The following EDIL3 variants were observed in gnomAD, a reference collection of about 807,000 sequenced individuals.
The protein encoded by EDIL3 is EGF-like repeat and discoidin I-like domain-containing protein 3.
EDIL3 carries 37 observed loss-of-function variants against 67.4 expected under a neutral mutation model. The observed-to-expected ratio is 0.55, with a 90% CI of 0.42 to 0.72. EDIL3 has a LOEUF of 0.72. EDIL3 is among the 30% of genes least tolerant of loss of function. EDIL3 has a pLI of 0.00. For synonymous variants in EDIL3, 195 were observed against 196.3 expected, an observed-to-expected ratio of 0.99 and a Z score of 0.05; for missense variants, 527 against 586.3, an observed-to-expected ratio of 0.90 and a Z score of 1.04.
intron 1 of EDIL3, among the ~76,000 whole-genome samples, chr5:84,379,898 T>G (rs1748040288): frequency 1.3e-5 from 2 of 152,066 alleles, no homozygotes; most frequent in Admixed American, 1.3e-4. Context: ...TTTTATTTTA[T>G]TTTTTCCTTT....
At position 84,190,551 on chromosome 5, in the gene EDIL3, A is replaced by ATATG. The variant is rs1554072297; in HGVS notation, c.227-10031_227-10030insCATA. On this transcript the variant is annotated intron_variant, in intron 3 of 10. Coordinates refer to ENST00000296591, the MANE Select transcript of EDIL3 (RefSeq NM_005711.5). ...AGTATTTCTACATATATATATATAT[A>ATATG]TGTGTGTGTGTGTGTGTGTGTGTGT... Among the ~76,000 whole-genome samples, 1,000 of 126,952 alleles carry ATATG rather than the reference A, an allele frequency of 7.9e-3. 19 individuals are homozygous for ATATG. The highest frequency in any genetic ancestry group is 0.028 in the African/African-American group (949 of 33,338). The allele number at this position is 126,952 out of a possible 152,430, so 83.3% of individuals were successfully genotyped here.
At chr5:84,194,403 C>A (rs1349680276) in intron 3 of EDIL3, among the ~76,000 whole-genome samples, 14 of 151,714 alleles carry the variant, frequency 9.2e-5, no homozygotes, top group Non-Finnish European at 1.9e-4. Flanking sequence ...AAAATCTCGA[C>A]AAAGATTTGC....
intron 2 of EDIL3, among the ~76,000 whole-genome samples, chr5:84,236,712 T>C (rs1418388808): frequency 6.6e-6 from 1 of 152,050 alleles, no homozygotes; most frequent in Non-Finnish European, 1.5e-5. Flanking sequence ...TCTGAGTAAA[T>C]ATTTTTGGAA....
At chr5:84,124,009 CA>C (rs1335582237) in intron 5 of EDIL3, among the ~76,000 whole-genome samples, 2 of 151,924 alleles carry the variant, frequency 1.3e-5, no homozygotes, top group African/African-American at 4.8e-5. Flanking sequence ...CCCAATTTTA[CA>C]CCAATCAAAA....
intron 9 of EDIL3, among the ~76,000 whole-genome samples, chr5:84,044,071 C>T (rs1170002432): frequency 3.3e-5 from 5 of 151,934 alleles, no homozygotes; most frequent in African/African-American, 4.8e-5. Context: ...CCCCACCCCT[C>T]GACAGGCCCC....
chr5:84,354,704 G>A (rs1285146447), intron 1 of EDIL3, among the ~76,000 whole-genome samples: 1 of 149,386 alleles, frequency 6.7e-6, no homozygotes, highest in African/African-American at 2.5e-5. Flanking sequence ...ATAATTTTTT[G>A]TAGCTTACAC....
intron 4 of EDIL3, among the ~76,000 whole-genome samples, chr5:84,167,742 A>G (rs1748734227): frequency 6.6e-6 from 1 of 152,154 alleles, no homozygotes; most frequent in Non-Finnish European, 1.5e-5. Flanking sequence ...AAAACCAAGG[A>G]AACCAAGACC....
chr5:84,053,999 C>T (rs1746394752), intron 9 of EDIL3, among the ~76,000 whole-genome samples: 1 of 151,968 alleles, frequency 6.6e-6, no homozygotes, highest in Admixed American at 6.6e-5. Flanking sequence ...GGCAGAGACA[C>T]AACAAAAAAA....
At chr5:83,967,581 A>G (rs1487321490) in intron 9 of EDIL3, among the ~76,000 whole-genome samples, 1 of 152,060 alleles carries the variant, frequency 6.6e-6, no homozygotes, top group African/African-American at 2.4e-5. Context: ...TTTGTTGTAA[A>G]ACATCCTGTA....
intron 1 of EDIL3, among the ~76,000 whole-genome samples, chr5:84,349,342 C>T (rs1747307175): frequency 6.6e-6 from 1 of 152,094 alleles, no homozygotes; most frequent in Admixed American, 6.6e-5. Context: ...CTTCCAAGAG[C>T]TAGAGGTTAT....
intron 1 of EDIL3, among the ~76,000 whole-genome samples, chr5:84,272,494 G>A (rs535858583): frequency 2.0e-4 from 31 of 152,130 alleles, no homozygotes; most frequent in Admixed American, 6.5e-4. Context: ...GTACCAGGAA[G>A]CATATCTAGT....
chr5:84,004,997 C>G, intron 9 of EDIL3, among the ~76,000 whole-genome samples: 1 of 151,902 alleles, frequency 6.6e-6, no homozygotes, highest in Non-Finnish European at 1.5e-5. Flanking sequence ...TCAGAAATGA[C>G]AACGATGCCA....
intron 5 of EDIL3, among the ~76,000 whole-genome samples, chr5:84,120,067 T>A (rs1561437142): frequency 6.6e-6 from 1 of 152,002 alleles, no homozygotes; most frequent in African/African-American, 2.4e-5. Context: ...AAAAAAACTA[T>A]GCATAACTAT....
intron 3 of EDIL3, among the ~76,000 whole-genome samples, chr5:84,217,447 A>C (rs773691881): frequency 2.0e-5 from 3 of 152,284 alleles, no homozygotes; most frequent in Non-Finnish European, 2.9e-5. Context: ...TGCTGTGAAC[A>C]TATTTTGTCG....
At chr5:84,269,585 CAATAGT>C (rs1237516637) in intron 1 of EDIL3, among the ~76,000 whole-genome samples, 1 of 152,046 alleles carries the variant, frequency 6.6e-6, no homozygotes, top group Non-Finnish European at 1.5e-5. Context: ...TGTTTCTCCA[CAATAGT>C]AATTTTGCAA....
chr5:84,147,392 T>C (rs944551823), intron 4 of EDIL3, among the ~76,000 whole-genome samples: 2 of 152,052 alleles, frequency 1.3e-5, no homozygotes, highest in Non-Finnish European at 2.9e-5. Flanking sequence ...CAAACAAGTA[T>C]GTTGAATTTT....
chr5:84,278,397 C>A (rs973567420), intron 1 of EDIL3, among the ~76,000 whole-genome samples: 1 of 152,026 alleles, frequency 6.6e-6, no homozygotes. Flanking sequence ...GTAAGAGACT[C>A]AAAAATTATT....
At chr5:84,268,050 T>C (rs371011213) in intron 1 of EDIL3, among the ~76,000 whole-genome samples, 2 of 152,074 alleles carry the variant, frequency 1.3e-5, no homozygotes, top group African/African-American at 4.8e-5. Flanking sequence ...GGCAGGAGAA[T>C]TGCTTGAACC....
chr5:84,151,609 T>A (rs1490723656), intron 4 of EDIL3, among the ~76,000 whole-genome samples: 1 of 152,166 alleles, frequency 6.6e-6, no homozygotes, highest in Non-Finnish European at 1.5e-5. Context: ...TGGGGAAAAA[T>A]TAATGTAACT....
Sources: gnomAD v4.1 joint callset for allele counts (sites outside exome capture counted in the v4.1 genomes callset) on GRCh38, gnomAD v4.1.1 for gene constraint, MANE v1.5 for transcripts, NCBI Gene and HGNC (gene_info 2026-07-23, HGNC 2026-07-21) for gene names.